MCF2L2: variants seen among roughly 807,000 people sequenced by gnomAD.
The protein encoded by MCF2L2 is MCF.2 cell line derived transforming sequence-like 2.
A neutral mutation model predicts 150.2 loss-of-function variants in MCF2L2; 102 were observed. The observed-to-expected ratio is 0.68, with a 90% CI of 0.58 to 0.80. MCF2L2 has a LOEUF of 0.80. Ranked by LOEUF, MCF2L2 falls within the 30% of genes least tolerant of loss-of-function variation. MCF2L2 has a pLI of 0.00. For synonymous variants in MCF2L2, 465 were observed against 491.3 expected, an observed-to-expected ratio of 0.95 and a Z score of 0.71; for missense variants, 1,256 against 1,372.8, an observed-to-expected ratio of 0.91 and a Z score of 1.34.
At chr3:183,338,446 T>G (rs1484154867) in intron 5 of MCF2L2, among the ~76,000 whole-genome samples, 1 of 91,930 alleles carries the variant, frequency 1.1e-5, no homozygotes, top group African/African-American at 5.3e-5. Context: ...AAACTCTATC[T>G]CAAAAAAAAA....
chr3:183,312,096 T>G (rs1729404208), intron 7 of MCF2L2, among the ~76,000 whole-genome samples: 1 of 152,154 alleles, frequency 6.6e-6, no homozygotes, highest in African/African-American at 2.4e-5. Context: ...TAATCCAAGA[T>G]AGTGACCAGA....
intron 7 of MCF2L2, among the ~76,000 whole-genome samples, chr3:183,313,232 AAC>A (rs111694523): frequency 5.2e-4 from 77 of 149,142 alleles, no homozygotes; most frequent in East Asian, 1.6e-3. Flanking sequence ...AGCTTCCAGC[AAC>A]ACACACACAC....
chr3:183,208,019 A>G lies in MCF2L2; in HGVS notation c.2497-196T>C, dbSNP rs562254799. 2.6e-5 allele frequency among the ~76,000 whole-genome samples: 4 copies of G among 152,348 alleles called. No homozygotes were observed. The East Asian group carries it at 7.7e-4, about 29-fold the overall frequency. ...TCACTGAGCGTGGTGCCATTTAGTT[A>G]TATAAGGAAATCAATTCAGCTATGA... On this transcript the variant is annotated intron_variant, in intron 22 of 29. Coordinates refer to ENST00000328913, the MANE Select transcript of MCF2L2 (RefSeq NM_015078.4).
intron 1 of MCF2L2, 104 bp downstream of exon 1, chr3:183,427,798 C>G (rs760859312): frequency 1.0e-5 from 10 of 972,920 alleles, no homozygotes; most frequent in Admixed American, 8.1e-5. Context: ...CCCCAGGAAG[C>G]GCGCTGCCCC....
intron 2 of MCF2L2, among the ~76,000 whole-genome samples, chr3:183,380,859 A>T (rs1189151579): frequency 1.3e-5 from 2 of 152,244 alleles, no homozygotes; most frequent in African/African-American, 4.8e-5. Flanking sequence ...ATCTAGTTTG[A>T]TTGCAAGGTT....
intron 15 of MCF2L2, among the ~76,000 whole-genome samples, chr3:183,262,557 C>T (rs370792167): frequency 6.6e-6 from 1 of 152,102 alleles, no homozygotes; most frequent in Non-Finnish European, 1.5e-5. Context: ...CTTGTCTCCC[C>T]CTAGTCCCGG....
At chr3:183,357,069 A>G (rs1031726847) in intron 3 of MCF2L2, among the ~76,000 whole-genome samples, 9 of 152,214 alleles carry the variant, frequency 5.9e-5, no homozygotes, top group Non-Finnish European at 1.0e-4. Context: ...TAGTAATGAA[A>G]GCATTAGTGA....
Position 183,283,962 on chromosome 3 carries a change from T to A in MCF2L2, c.1776+5158A>T, listed in dbSNP as rs1727648457. Among the ~76,000 whole-genome samples, 1 of 152,224 alleles carries A rather than the reference T, an allele frequency of 6.6e-6. No homozygotes were observed. The highest frequency in any genetic ancestry group is 2.4e-5 in the African/African-American group (1 of 41,460). Reference sequence around the variant, plus strand: ...TCATTCTGCTTTATATTATAAATTATTAGAAATATGTTGTTTCCCCCATGA... The same window carrying A: ...TCATTCTGCTTTATATTATAAATTAATAGAAATATGTTGTTTCCCCCATGA... On this transcript the variant is annotated intron_variant, in intron 14 of 29. Transcript: ENST00000328913. The surrounding 1 kb of genome is among the most constrained non-coding windows in gnomAD (Gnocchi z 4.2).
In MCF2L2 at chr3:183,311,791, C is replaced by T; in HGVS notation, c.754-19G>A. ...GCTCATCCTAGAAAATAAAAGTAGT[C>T]TCTCTTAGAACGAATTAGAAAAAAC... On this transcript the variant is annotated intron_variant, in intron 7 of 29. Transcript: ENST00000328913. The T allele has an allele frequency of 6.2e-7, 1 of 1,612,440 alleles. No individual in the cohort carries two copies. The highest frequency in any genetic ancestry group is 8.5e-7 in the Non-Finnish European group (1 of 1,179,304).
At chr3:183,425,669 C>T (rs1716124514) in intron 1 of MCF2L2, among the ~76,000 whole-genome samples, 1 of 152,086 alleles carries the variant, frequency 6.6e-6, no homozygotes, top group Non-Finnish European at 1.5e-5. Flanking sequence ...CCACTCACTC[C>T]CCCTGAAACC....
chr3:183,316,337 G>A (rs1331702920), intron 7 of MCF2L2, among the ~76,000 whole-genome samples: 1 of 130,814 alleles, frequency 7.6e-6, no homozygotes, highest in Non-Finnish European at 1.6e-5. Flanking sequence ...GTGTTTTTTT[G>A]TTTTGTTTTG....
intron 5 of MCF2L2, among the ~76,000 whole-genome samples, chr3:183,337,614 C>T (rs1454908157): frequency 6.6e-6 from 1 of 151,192 alleles, no homozygotes; most frequent in Non-Finnish European, 1.5e-5. Flanking sequence ...TGTGGTTGTA[C>T]CATAACTTAC....
intron 3 of MCF2L2, among the ~76,000 whole-genome samples, chr3:183,344,720 G>T (rs1730832214): frequency 6.6e-6 from 1 of 151,946 alleles, no homozygotes; most frequent in Non-Finnish European, 1.5e-5. Context: ...CAAAATAAAG[G>T]GATAGAGGAA....
intron 3 of MCF2L2, among the ~76,000 whole-genome samples, chr3:183,350,053 C>T (rs1279901596): frequency 6.6e-6 from 1 of 152,206 alleles, no homozygotes; most frequent in African/African-American, 2.4e-5. Flanking sequence ...CCCGGCCAAA[C>T]TGAGGGCAAA....
chr3:183,361,565 C>A lies in MCF2L2; in HGVS notation c.275+17732G>T, dbSNP rs1372851552. On this transcript the variant is annotated intron_variant, in intron 3 of 29. Coordinates refer to ENST00000328913, the MANE Select transcript of MCF2L2 (RefSeq NM_015078.4). ...TAAGGCATGCTTGCTTCCCCTTCGC[C>A]TTCCACTGTGATTGTAAGTTTCCTG... 7.9e-5 allele frequency among the ~76,000 whole-genome samples: 12 copies of A among 152,314 alleles called. 2 individuals are homozygous for A. Among genetic ancestry groups the A allele is most frequent in the African/African-American group, 2.9e-4 (12 of 41,578 alleles).
At chr3:183,302,841 A>G (rs1728922183) in intron 10 of MCF2L2, among the ~76,000 whole-genome samples, 1 of 152,106 alleles carries the variant, frequency 6.6e-6, no homozygotes, top group African/African-American at 2.4e-5. Context: ...CCACACTTTA[A>G]TTCTTTAACA....
At chr3:183,291,108 T>C (rs1464476117) in intron 13 of MCF2L2, among the ~76,000 whole-genome samples, 1 of 152,222 alleles carries the variant, frequency 6.6e-6, no homozygotes, top group Non-Finnish European at 1.5e-5. Flanking sequence ...GACAATCCTT[T>C]GGGCTCCTCC....
Position 183,193,027 on chromosome 3 carries a change from G to A in MCF2L2, c.2988C>T (p.Asp996=). ...TAATCCCTCCTGTGCTGGAGGCCGGGTCTTCCTTGCTAGTGGTAGCTCTTT... is the reference window on the plus strand; with the variant it reads ...TAATCCCTCCTGTGCTGGAGGCCGGATCTTCCTTGCTAGTGGTAGCTCTTT... The part of the protein sequence containing the change: ...NMERATTSKE[D]PASSTGGIKG... The change falls in exon 27 of 30, where the codon GAC becomes GAT. Residue 996 remains aspartate (D), a synonymous_variant. Transcript: ENST00000328913. 1 of 1,614,130 alleles carries A rather than the reference G, an allele frequency of 6.2e-7. No homozygotes were observed. The highest frequency in any genetic ancestry group is 8.5e-7 in the Non-Finnish European group (1 of 1,179,988).
intron 15 of MCF2L2, among the ~76,000 whole-genome samples, chr3:183,252,369 C>G (rs1388601137): frequency 6.6e-6 from 1 of 152,142 alleles, no homozygotes; most frequent in African/African-American, 2.4e-5. Flanking sequence ...CATGCAGTGC[C>G]ACAGTCTGGG....
Sources: gnomAD v4.1 joint callset for allele counts (sites outside exome capture counted in the v4.1 genomes callset) on GRCh38, gnomAD v4.1.1 for gene constraint, Gnocchi (gnomAD v3.1) non-coding constraint, MANE v1.5 for transcripts, NCBI Gene and HGNC (gene_info 2026-07-23, HGNC 2026-07-21) for gene names.